The following LRRC7 variants were observed in gnomAD, a reference collection of about 807,000 sequenced individuals.
LRRC7 encodes the protein leucine rich repeat containing 7.
Under a neutral mutation model 175.7 loss-of-function variants are expected in LRRC7, and 23 were observed. The observed-to-expected ratio is 0.13, with a 90% confidence interval of 0.09 to 0.19. LRRC7 has a LOEUF of 0.19. Among genes scored for constraint, LRRC7 ranks in the 10% least tolerant of loss-of-function variants. The pLI, the probability that LRRC7 is intolerant of heterozygous loss-of-function variation, is 1.00. For synonymous variants in LRRC7, 685 were observed against 680.9 expected, an observed-to-expected ratio of 1.01 and a Z score of -0.09; for missense variants, 1,354 against 1,904.7, an observed-to-expected ratio of 0.71 and a Z score of 5.38.
At chr1:69,598,377 T>G (rs541298439) in intron 1 of LRRC7, among the ~76,000 whole-genome samples, 14 of 152,280 alleles carry the variant, frequency 9.2e-5, no homozygotes, top group African/African-American at 3.4e-4. Flanking sequence ...ATATATATAT[T>G]TAGATATATC....
intron 4 of LRRC7, among the ~76,000 whole-genome samples, chr1:69,815,605 C>A (rs991886151): frequency 6.6e-6 from 1 of 152,208 alleles, no homozygotes; most frequent in Admixed American, 6.5e-5. Flanking sequence ...CTTTCAATGA[C>A]AGCCATTCAC....
chr1:70,038,415 C>G lies in LRRC7; in HGVS notation c.2591C>G (p.Ser864Cys). 1 of 1,614,122 alleles carries G rather than the reference C, an allele frequency of 6.2e-7. No individual in the cohort carries two copies. The highest frequency in any genetic ancestry group is 8.5e-7 in the Non-Finnish European group (1 of 1,180,006). ...GGTGTTCCCCTGGAACTCGAGCAGTCTACACACAGACACACACCAGAAACA... is the reference window on the plus strand; with the variant it reads ...GGTGTTCCCCTGGAACTCGAGCAGTGTACACACAGACACACACCAGAAACA... ...IVGVPLELEQ[S>C]THRHTPETEV... The change falls in exon 21 of 27, where the codon TCT becomes TGT. Residue 864 changes from serine to cysteine, a missense_variant. Coordinates refer to ENST00000651989, the MANE Select transcript of LRRC7 (RefSeq NM_001370785.2).
chr1:70,050,325 G>A (rs1368318817), intron 22 of LRRC7, among the ~76,000 whole-genome samples: 1 of 152,012 alleles, frequency 6.6e-6, no homozygotes, highest in African/African-American at 2.4e-5. Flanking sequence ...TTTGGGCATA[G>A]CATTTGTTCC....
rs147503585 is a variant in LRRC7, at chr1:69,661,158, GAAAAAAAAGAAC to G, written c.3-17219_3-17208del. Among the ~76,000 whole-genome samples the G allele has an allele frequency of 3.8e-3, 573 of 150,186 alleles. 5 individuals carry two copies. Among genetic ancestry groups the G allele is most frequent in the African/African-American group, 0.013 (546 of 41,234 alleles). ...TTCCTCATGACTCCACAAAGTTTTA[GAAAAAAAAGAAC>G]AAAGATTTTTTAATGCTCGTGGAAC... On this transcript the variant is annotated intron_variant, in intron 1 of 26. Transcript: ENST00000651989.
intron 7 of LRRC7, among the ~76,000 whole-genome samples, chr1:69,906,128 G>C (rs548531945): frequency 4.6e-4 from 70 of 152,210 alleles, no homozygotes; most frequent in Non-Finnish European, 7.6e-4. Flanking sequence ...TTGTAAATTT[G>C]TGTGAGTTCA....
At position 70,128,026 on chromosome 1, in the gene LRRC7, A is replaced by G. The variant is rs1165189935; in HGVS notation, c.*6139A>G. On this transcript the variant is annotated 3_prime_UTR_variant, in exon 27 of 27. Transcript: ENST00000651989. ...ACCCAGGCTGGAGTGCAGTAGCGCT[A>G]TCTTGGCTCACTGTAACTTCCACCT... Among the ~76,000 whole-genome samples the G allele has an allele frequency of 6.6e-6, 1 of 151,876 alleles. No homozygotes were observed. Among genetic ancestry groups the G allele is most frequent in the African/African-American group, 2.4e-5 (1 of 41,336 alleles).
chr1:69,889,677 T>C lies in LRRC7; in HGVS notation c.648-41830T>C, dbSNP rs201073475. Reference sequence around the variant, plus strand: ...ACAAAATTAGCTAGGTGTGGTGTCATGCACCTGTAGTCCCAGCTACTCAGG... The same window carrying C: ...ACAAAATTAGCTAGGTGTGGTGTCACGCACCTGTAGTCCCAGCTACTCAGG... On this transcript the variant is annotated intron_variant, in intron 7 of 26. Transcript: ENST00000651989. Among the ~76,000 whole-genome samples, 108 of 152,200 alleles carry C rather than the reference T, an allele frequency of 7.1e-4. No homozygotes were observed. The East Asian group carries it at 0.019, about 27-fold the overall frequency.
rs1053932126 is a variant in LRRC7, at chr1:70,143,708, A to G, written c.*21821A>G. ...GGTGTACTCTAGCCAATTCAAAACA[A>G]ATTGCTTACTTTAATAATACAATTT... is the stretch of plus-strand genomic sequence containing the variant. On this transcript the variant is annotated 3_prime_UTR_variant, in exon 27 of 27. Transcript: ENST00000651989. 8 of 152,122 alleles carry G rather than the reference A, an allele frequency of 5.3e-5. No homozygotes were observed. The highest frequency in any genetic ancestry group is 1.2e-4 in the Non-Finnish European group (8 of 68,014). 9.4% of individuals were successfully genotyped at this position (152,122 alleles called of 1,614,324 possible).
intron 7 of LRRC7, among the ~76,000 whole-genome samples, chr1:69,898,367 T>C (rs1274993782): frequency 6.6e-6 from 1 of 152,178 alleles, no homozygotes; most frequent in Non-Finnish European, 1.5e-5. Flanking sequence ...TGAAGTTACA[T>C]AGGGAGATTA....
At chr1:70,119,693 G>T (rs888200725) in intron 26 of LRRC7, among the ~76,000 whole-genome samples, 1 of 152,024 alleles carries the variant, frequency 6.6e-6, no homozygotes, top group South Asian at 2.1e-4. Flanking sequence ...CAAGTATGAT[G>T]ATGAACAACA....
intron 2 of LRRC7, among the ~76,000 whole-genome samples, chr1:69,752,730 A>G (rs531854635): frequency 6.6e-6 from 1 of 152,270 alleles, no homozygotes; most frequent in South Asian, 2.1e-4. Flanking sequence ...TAGAAAAAGA[A>G]AAATCACCAT....
intron 23 of LRRC7, among the ~76,000 whole-genome samples, chr1:70,072,920 G>T (rs1662497690): frequency 6.6e-6 from 1 of 152,098 alleles, no homozygotes; most frequent in Admixed American, 6.6e-5. Context: ...TTCAATTCAT[G>T]GTTCAACTAA....
chr1:69,633,213 C>T (rs887464552), intron 1 of LRRC7, among the ~76,000 whole-genome samples: 1 of 151,952 alleles, frequency 6.6e-6, no homozygotes, highest in Non-Finnish European at 1.5e-5. Flanking sequence ...AAAATGCTTT[C>T]TTAAAAAATG....
chr1:69,859,293 C>A (rs908096694), intron 7 of LRRC7, among the ~76,000 whole-genome samples: 1 of 152,078 alleles, frequency 6.6e-6, no homozygotes, highest in Admixed American at 6.6e-5. Flanking sequence ...AGAATGAAGA[C>A]TAATTTTAAT....
intron 1 of LRRC7, among the ~76,000 whole-genome samples, chr1:69,636,303 TC>T (rs1653349042): frequency 6.6e-6 from 1 of 151,994 alleles, no homozygotes; most frequent in Non-Finnish European, 1.5e-5. Context: ...TAGGCATTTT[TC>T]TTAGGCAAAA....
At chr1:69,837,155 C>T (rs868385799) in intron 6 of LRRC7, among the ~76,000 whole-genome samples, 1 of 151,856 alleles carries the variant, frequency 6.6e-6, no homozygotes, top group Non-Finnish European at 1.5e-5. Context: ...GCAAAAGAAA[C>T]TCTGAATACC....
At chr1:69,764,730 C>CAGACAGACAGACAGATAGATAGAT (rs1377304958) in intron 3 of LRRC7, among the ~76,000 whole-genome samples, 14 of 140,412 alleles carry the variant, frequency 1.0e-4, no homozygotes, top group African/African-American at 2.7e-4. Flanking sequence ...GATAGATAGA[C>CAGACAGACAGACAGATAGATAGAT]AGATAGATAG....
chr1:69,939,249 G>T (rs933120948), intron 8 of LRRC7, among the ~76,000 whole-genome samples: 2 of 151,672 alleles, frequency 1.3e-5, no homozygotes, highest in East Asian at 3.9e-4. Flanking sequence ...AGGAGCAAAG[G>T]GGGGACACTG....
chr1:69,684,327 G>A (rs1296137159), intron 2 of LRRC7, among the ~76,000 whole-genome samples: 1 of 151,946 alleles, frequency 6.6e-6, no homozygotes, highest in African/African-American at 2.4e-5. Flanking sequence ...AAATAAAAAT[G>A]CATCACAAGA....
Sources: allele counts gnomAD v4.1 joint callset (sites outside exome capture counted in the v4.1 genomes callset), GRCh38; gene constraint gnomAD v4.1.1; transcripts MANE v1.5; gene names NCBI Gene and HGNC (gene_info 2026-07-23, HGNC 2026-07-21).